PPP3R1: variants seen among roughly 807,000 people sequenced by gnomAD.
PPP3R1 encodes the protein calcineurin subunit B type 1.
In PPP3R1, 5 loss-of-function variants were observed where a neutral mutation model predicts 22.6. The ratio of observed to expected loss-of-function variants is 0.22; its 90% CI spans 0.12 to 0.46. The LOEUF (loss-of-function observed/expected upper bound fraction) is 0.46. PPP3R1 is among the 20% of genes least tolerant of loss of function. The pLI is 0.99. For synonymous variants in PPP3R1, 56 were observed against 65.2 expected, an observed-to-expected ratio of 0.86 and a Z score of 0.68; for missense variants, 61 against 203.2, an observed-to-expected ratio of 0.30 and a Z score of 4.25.
chr2:68,185,725 C>G (rs962241961), intron 5 of PPP3R1, among the ~76,000 whole-genome samples: 14 of 152,030 alleles, frequency 9.2e-5, no homozygotes, highest in African/African-American at 3.4e-4. Context: ...ACGGAAGGGA[C>G]AGAAATGGCT....
chr2:68,252,016 AT>A, intron 1 of PPP3R1, 108 bp downstream of exon 1: 1 of 1,128,544 alleles, frequency 8.9e-7, no homozygotes, highest in Non-Finnish European at 1.1e-6. Context: ...GGTCTCTGGA[AT>A]TTTCCACGGG....
chr2:68,185,414 T>C (rs1683003656), intron 5 of PPP3R1, among the ~76,000 whole-genome samples: 1 of 144,288 alleles, frequency 6.9e-6, no homozygotes, highest in Non-Finnish European at 1.5e-5. Context: ...CATTTATATA[T>C]TATATTTATA....
intron 1 of PPP3R1, among the ~76,000 whole-genome samples, chr2:68,240,115 A>G (rs1053585647): frequency 1.3e-5 from 2 of 152,204 alleles, no homozygotes; most frequent in Non-Finnish European, 2.9e-5. Flanking sequence ...GTTTATCGGG[A>G]TGTAACCCCA....
rs1670392152 is a variant in PPP3R1, at chr2:68,252,489, G to T, written c.-362C>A. 1.0e-6 allele frequency: 1 copy of T among 986,932 alleles called. No individual in the cohort carries two copies. The highest frequency in any genetic ancestry group is 1.2e-6 in the Non-Finnish European group (1 of 831,664). 61.1% of individuals were successfully genotyped at this position (986,932 alleles called of 1,614,324 possible). On this transcript the variant is annotated 5_prime_UTR_variant, in exon 1 of 6. Coordinates refer to ENST00000234310, the MANE Select transcript of PPP3R1 (RefSeq NM_000945.4). ...CTCGCGCTCGCGCCGGAGCCGTGAC[G>T]GACTCACTGCAGCGGCTCGCGCTGA...
At chr2:68,221,167 C>CA (rs1669682351) in intron 1 of PPP3R1, among the ~76,000 whole-genome samples, 2 of 152,108 alleles carry the variant, frequency 1.3e-5, no homozygotes, top group South Asian at 2.1e-4. Context: ...TCTGTCTCTA[C>CA]AAAAAATACA....
At chr2:68,185,217 CAAAA>C (rs1305057114) in intron 5 of PPP3R1, among the ~76,000 whole-genome samples, 1 of 70,438 alleles carries the variant, frequency 1.4e-5, no homozygotes. Flanking sequence ...GACTCCGTTT[CAAAA>C]AAAAAAAAAA....
At chr2:68,189,250 T>C (rs1449239480) in intron 2 of PPP3R1, among the ~76,000 whole-genome samples, 1 of 152,200 alleles carries the variant, frequency 6.6e-6, no homozygotes, top group East Asian at 1.9e-4. Context: ...AAAGCAACGT[T>C]GCCAGTTTCC....
At chr2:68,221,883 A>C (rs761433660) in intron 1 of PPP3R1, among the ~76,000 whole-genome samples, 14 of 152,040 alleles carry the variant, frequency 9.2e-5, no homozygotes, top group Non-Finnish European at 1.8e-4. Flanking sequence ...CAGCAAAAAT[A>C]TCTTTCAAAT....
At chr2:68,188,804 A>T in intron 2 of PPP3R1, 114 bp from the exon 3 acceptor site, 1 of 804,412 alleles carries the variant, frequency 1.2e-6, no homozygotes, top group South Asian at 2.3e-5. Context: ...GGGGAAAAAA[A>T]ATCTAACAGT....
At position 68,222,983 on chromosome 2, in the gene PPP3R1, C is replaced by A. The variant is rs142192395; in HGVS notation, c.4-5852G>T. ...AGCCAATTCATCAGAAAGATGAAAT[C>A]CAAAAACATACCAATCCTACACAAA... On this transcript the variant is annotated intron_variant, in intron 1 of 5. Transcript: ENST00000234310. Among the ~76,000 whole-genome samples the A allele has an allele frequency of 3.2e-3, 487 of 152,204 alleles. 2 individuals carry two copies. Among genetic ancestry groups the A allele is most frequent in the African/African-American group, 0.011 (463 of 41,536 alleles).
At chr2:68,213,575 G>A (rs1669523831) in intron 2 of PPP3R1, among the ~76,000 whole-genome samples, 1 of 152,154 alleles carries the variant, frequency 6.6e-6, no homozygotes, top group Admixed American at 6.5e-5. Flanking sequence ...GAAAAGGTAT[G>A]AAATACTGCA....
rs1403075668 is a variant in PPP3R1 at position 68,179,349 on chromosome 2, T to C, written c.*1614A>G. 4 of 152,196 alleles carry C rather than the reference T, an allele frequency of 2.6e-5. No individual in the cohort carries two copies. The highest frequency in any genetic ancestry group is 2.6e-4 in the Admixed American group (4 of 15,258). 9.4% of individuals were successfully genotyped at this position (152,196 alleles called of 1,614,324 possible). A position where few individuals can be genotyped will look rare whatever the true frequency, so the allele number is the denominator to read the frequency against. On this transcript the variant is annotated 3_prime_UTR_variant, in exon 6 of 6. Transcript: ENST00000234310. ...TTATCTTTTAAAATTATGCAAATTA[T>C]GTAAACAAGAGGTACATTTTAAATT...
chr2:68,189,031 G>A (rs1269014687), intron 2 of PPP3R1, among the ~76,000 whole-genome samples: 1 of 152,134 alleles, frequency 6.6e-6, no homozygotes, highest in African/African-American at 2.4e-5. Flanking sequence ...ATTATTTCAG[G>A]ACTGACAATG....
In PPP3R1 at chr2:68,252,112, G is replaced by C. The variant is rs751052210; in HGVS notation, c.3+13C>G. ...GGGGGAGGGATGGTGCATCGAGGAA[G>C]CCAAGGTCTCACCATTTTGCTCGGC... On this transcript the variant is annotated intron_variant, in intron 1 of 5. Transcript: ENST00000234310. 2 of 1,435,872 alleles carry C rather than the reference G, an allele frequency of 1.4e-6. No individual in the cohort carries two copies. The highest frequency in any genetic ancestry group is 1.9e-6 in the Non-Finnish European group (2 of 1,074,086). The allele number at this position is 1,435,872 out of a possible 1,614,324, so 88.9% of individuals were successfully genotyped here.
At chr2:68,217,011 TACACACACACAC>T (rs66891931) in intron 2 of PPP3R1, 69 bp downstream of exon 2, 21 of 771,048 alleles carry the variant, frequency 2.7e-5, no homozygotes, top group Non-Finnish European at 3.7e-5. Context: ...AGAGGTATGA[TACACACACACAC>T]ACACACACAC....
intron 2 of PPP3R1, among the ~76,000 whole-genome samples, chr2:68,197,787 G>T (rs1016642495): frequency 6.6e-6 from 1 of 151,786 alleles, no homozygotes; most frequent in East Asian, 1.9e-4. Flanking sequence ...TTTCATAGGT[G>T]TATTTTTAAA....
intron 1 of PPP3R1, among the ~76,000 whole-genome samples, chr2:68,230,488 T>C (rs1281981254): frequency 6.6e-6 from 1 of 152,228 alleles, no homozygotes; most frequent in Admixed American, 6.5e-5. Context: ...CTATCTTAAA[T>C]ATTTCCTCTA....
At chr2:68,246,858 C>T (rs1670245840) in intron 1 of PPP3R1, among the ~76,000 whole-genome samples, 1 of 152,224 alleles carries the variant, frequency 6.6e-6, no homozygotes, top group Admixed American at 6.5e-5. Flanking sequence ...ATGCTCAAAT[C>T]TTTAATGCAA....
At chr2:68,197,699 G>A (rs2103737195) in intron 2 of PPP3R1, among the ~76,000 whole-genome samples, 1 of 151,944 alleles carries the variant, frequency 6.6e-6, no homozygotes, top group Admixed American at 6.6e-5. Context: ...AAAGATTTGT[G>A]AAATTCTCTA....
Sources: allele counts gnomAD v4.1 joint callset (sites outside exome capture counted in the v4.1 genomes callset), GRCh38; gene constraint gnomAD v4.1.1; transcripts MANE v1.5; gene names NCBI Gene and HGNC (gene_info 2026-07-23, HGNC 2026-07-21).